The following ARHGAP29 variants were observed in gnomAD, a reference collection of about 807,000 sequenced individuals.
ARHGAP29 encodes rho GTPase-activating protein 29.
Under a neutral mutation model 122.6 loss-of-function variants are expected in ARHGAP29, and 43 were observed. The ratio of observed to expected loss-of-function variants is 0.35; its 90% CI spans 0.27 to 0.45. The LOEUF is 0.45. Ranked by LOEUF, ARHGAP29 falls within the 20% of genes least tolerant of loss-of-function variation. ARHGAP29 has a pLI of 1.00. For missense variants in ARHGAP29, 1,303 were observed against 1,477.2 expected, an observed-to-expected ratio of 0.88 and a Z score of 1.93; for synonymous variants, 506 against 497.1, an observed-to-expected ratio of 1.02 and a Z score of -0.24.
chr1:94,272,298 C>T (rs1655021405), intron 1 of ARHGAP29, among the ~76,000 whole-genome samples: 1 of 152,186 alleles, frequency 6.6e-6, no homozygotes, highest in Admixed American at 6.5e-5. Flanking sequence ...GTTTGTCCCA[C>T]TAACCTCCTT....
intron 1 of ARHGAP29, among the ~76,000 whole-genome samples, chr1:94,242,941 T>C (rs1488888367): frequency 6.6e-6 from 1 of 152,054 alleles, no homozygotes; most frequent in Non-Finnish European, 1.5e-5. Flanking sequence ...CAAAGAATTT[T>C]ACCAAGGATA....
intron 12 of ARHGAP29, chr1:94,190,638 TAAC>T (rs1650075921): frequency 6.6e-6 from 1 of 152,326 alleles, no homozygotes; most frequent in Admixed American, 6.5e-5. Flanking sequence ...TCACTTGTAC[TAAC>T]AACAATAGCA....
intron 8 of ARHGAP29, 54 bp from the exon 9 acceptor site, chr1:94,203,264 C>A: frequency 7.8e-7 from 1 of 1,283,394 alleles, no homozygotes; most frequent in Non-Finnish European, 1.1e-6. Flanking sequence ...ACTAGAATTC[C>A]AAACACATCA....
the ARHGAP29 span, among the ~76,000 whole-genome samples, chr1:94,286,483 C>G: frequency 6.6e-6 from 1 of 152,042 alleles, no homozygotes; most frequent in African/African-American, 2.4e-5. Context: ...GCCTGGGCAA[C>G]ATGGTAAAAC....
At chr1:94,292,059 T>C in the ARHGAP29 span, among the ~76,000 whole-genome samples, 1 of 152,234 alleles carries the variant, frequency 6.6e-6, no homozygotes, top group African/African-American at 2.4e-5. Flanking sequence ...TCTGACTTGG[T>C]TCCATTCTCC....
Position 94,184,999 on chromosome 1 carries a change from T to C in ARHGAP29, c.1982A>G (p.Lys661Arg). Residue 661 changes from lysine to arginine, a missense_variant, in exon 18 of 23, where the codon AAA becomes AGA. Transcript: ENST00000260526. ...AAATAAGTGTATTTTTCCTGGAAGT[T>C]TCTGATGACCACAAATAATGACTAA... ...ENLVIICGHQ[K>R]LPGKIHLFGA... The C allele has an allele frequency of 6.2e-7, 1 of 1,613,372 alleles. No individual in the cohort carries two copies. Among genetic ancestry groups the C allele is most frequent in the Non-Finnish European group, 8.5e-7 (1 of 1,179,776 alleles).
the ARHGAP29 span, chr1:94,302,674 A>G: frequency 6.6e-5 from 30 of 452,000 alleles, no homozygotes; most frequent in East Asian, 1.9e-3. Flanking sequence ...GCTGTGGGCA[A>G]GGTCATCCCC....
At chr1:94,297,869 T>G in the ARHGAP29 span, among the ~76,000 whole-genome samples, 1 of 152,126 alleles carries the variant, frequency 6.6e-6, no homozygotes, top group Admixed American at 6.5e-5. Flanking sequence ...AGGGCAGAGC[T>G]GAGAGAACAT....
intron 1 of ARHGAP29, among the ~76,000 whole-genome samples, chr1:94,263,217 A>C (rs552354899): frequency 1.3e-5 from 2 of 152,222 alleles, no homozygotes; most frequent in Non-Finnish European, 2.9e-5. Context: ...CACATAGAGG[A>C]AAACAACAGA....
In ARHGAP29 at chr1:94,223,414, T is replaced by C. The variant is rs190189111; in HGVS notation, c.206-3022A>G. Reference sequence around the variant, plus strand: ...GTTACTTAGCCCCTCTGTGCCTCAGTTTCCTCATCTATAAAAAAAAAGATA... The same window carrying C: ...GTTACTTAGCCCCTCTGTGCCTCAGCTTCCTCATCTATAAAAAAAAAGATA... On this transcript the variant is annotated intron_variant, in intron 2 of 22. Coordinates refer to ENST00000260526, the MANE Select transcript of ARHGAP29 (RefSeq NM_004815.4). Among the ~76,000 whole-genome samples, 21 of 152,158 alleles carry C rather than the reference T, an allele frequency of 1.4e-4. No individual in the cohort carries two copies. The East Asian group carries it at 3.9e-3, about 28-fold the overall frequency.
the ARHGAP29 span, among the ~76,000 whole-genome samples, chr1:94,282,255 CTTTATTTA>C: frequency 0.19 from 26,497 of 141,296 alleles, 2,626 homozygotes; most frequent in East Asian, 0.34. Flanking sequence ...AGTGATAGTG[CTTTATTTA>C]TTTATTTATT....
chr1:94,256,775 G>T (rs1347305712), intron 1 of ARHGAP29, among the ~76,000 whole-genome samples: 1 of 151,260 alleles, frequency 6.6e-6, no homozygotes, highest in Non-Finnish European at 1.5e-5. Flanking sequence ...AGCCAGGATG[G>T]TCTCGATCTC....
chr1:94,255,453 T>C (rs1654303830), intron 1 of ARHGAP29, among the ~76,000 whole-genome samples: 2 of 152,354 alleles, frequency 1.3e-5, no homozygotes, highest in South Asian at 4.1e-4. Context: ...GGCAACACTA[T>C]TTAAATGACA....
intron 12 of ARHGAP29, 72 bp downstream of exon 12, chr1:94,201,648 C>T: frequency 6.3e-7 from 1 of 1,577,620 alleles, no homozygotes; most frequent in Non-Finnish European, 8.6e-7. Context: ...GCTGGGATTA[C>T]AGGTGTGAGC....
At chr1:94,263,371 A>C (rs1654635182) in intron 1 of ARHGAP29, among the ~76,000 whole-genome samples, 1 of 149,226 alleles carries the variant, frequency 6.7e-6, no homozygotes, top group Non-Finnish European at 1.5e-5. Context: ...ACAAACCTGC[A>C]CATGTACTCC....
At chr1:94,307,238 T>A in the ARHGAP29 span, among the ~76,000 whole-genome samples, 1 of 152,212 alleles carries the variant, frequency 6.6e-6, no homozygotes, top group Non-Finnish European at 1.5e-5. Context: ...AACTGCAGAT[T>A]GATGCCACTA....
At chr1:94,294,789 G>C in the ARHGAP29 span, among the ~76,000 whole-genome samples, 3 of 152,162 alleles carry the variant, frequency 2.0e-5, no homozygotes, top group Non-Finnish European at 2.9e-5. Context: ...AAATACTAAC[G>C]TTCAAGAGAT....
At chr1:94,314,211 T>C in the ARHGAP29 span, among the ~76,000 whole-genome samples, 1 of 152,206 alleles carries the variant, frequency 6.6e-6, no homozygotes, top group African/African-American at 2.4e-5. Flanking sequence ...TCCCTAACAC[T>C]TACAACAGTA....
the ARHGAP29 span, among the ~76,000 whole-genome samples, chr1:94,293,905 CT>C: frequency 5.9e-5 from 9 of 152,290 alleles, no homozygotes; most frequent in Admixed American, 3.9e-4. Context: ...TCTTCAGCCC[CT>C]CTCCCCTCTC....
Sources: allele counts gnomAD v4.1 joint callset (sites outside exome capture counted in the v4.1 genomes callset), GRCh38; gene constraint gnomAD v4.1.1; transcripts MANE v1.5; gene names NCBI Gene and HGNC (gene_info 2026-07-23, HGNC 2026-07-21).